The following USP34 variants were observed in gnomAD, a reference collection of about 807,000 sequenced individuals.
USP34 encodes the protein ubiquitin specific peptidase 34.
In USP34, 70 loss-of-function variants were observed where a neutral mutation model predicts 460.3. That is an observed-to-expected ratio of 0.15 (90% CI 0.13 to 0.19). The LOEUF is 0.19. USP34 is among the 10% of genes least tolerant of loss of function. The pLI is 1.00. For missense variants in USP34, 3,985 were observed against 4,236.2 expected, an observed-to-expected ratio of 0.94 and a Z score of 1.65; for synonymous variants, 1,647 against 1,405.3, an observed-to-expected ratio of 1.17 and a Z score of -3.85.
intron 41 of USP34, among the ~76,000 whole-genome samples, chr2:61,269,942 A>G (rs1689164075): frequency 6.6e-6 from 1 of 152,130 alleles, no homozygotes; most frequent in African/African-American, 2.4e-5. Flanking sequence ...CCTTTTAGCT[A>G]TTTTGAAATA....
At chr2:61,401,837 C>T (rs1693730510) in intron 3 of USP34, among the ~76,000 whole-genome samples, 1 of 150,804 alleles carries the variant, frequency 6.6e-6, no homozygotes, top group Admixed American at 6.6e-5. Context: ...GGATTACAGG[C>T]ATGAGCCACC....
At position 61,257,353 on chromosome 2, in the gene USP34, G is replaced by A; in HGVS notation, c.5845-3C>T. ...TTATATGCTTTGCATTCACTCTCCTGCAAATAAAAAGGGGAACATTCTAAG... is the reference window on the plus strand; with the variant it reads ...TTATATGCTTTGCATTCACTCTCCTACAAATAAAAAGGGGAACATTCTAAG... On this transcript the variant is annotated splice_region_variant and splice_polypyrimidine_tract_variant and intron_variant, in intron 44 of 79. Transcript: ENST00000398571. 6.4e-7 allele frequency: 1 copy of A among 1,562,670 alleles called. No homozygotes were observed. The highest frequency in any genetic ancestry group is 8.6e-7 in the Non-Finnish European group (1 of 1,158,128).
intron 65 of USP34, chr2:61,221,831 A>G (rs1357936573): frequency 2.6e-6 from 1 of 390,136 alleles, no homozygotes; most frequent in African/African-American, 2.1e-5. Flanking sequence ...CTGGATGTCA[A>G]GAGTATTTTG....
rs1382188300 is a variant in USP34 at position 61,280,481 on chromosome 2, G to T, written c.5152-133C>A. On this transcript the variant is annotated intron_variant, in intron 38 of 79. Transcript: ENST00000398571. ...CAGTATTCAAAATCTTTTTAAAAAT[G>T]GAGTACACGCTTAGTTTCTGTAAAA... The T allele has an allele frequency of 7.2e-6, 3 of 416,124 alleles. No individual in the cohort carries two copies. In the East Asian group the frequency reaches 1.2e-4, roughly 16 times the overall value. The allele number at this position is 416,124 out of a possible 1,614,324, so 25.8% of individuals were successfully genotyped here.
At chr2:61,389,161 A>C (rs546762212) in intron 5 of USP34, among the ~76,000 whole-genome samples, 1 of 152,110 alleles carries the variant, frequency 6.6e-6, no homozygotes, top group South Asian at 2.1e-4. Flanking sequence ...TTAAAGGATG[A>C]ATTGTGTTTA....
chr2:61,223,005 G>A (rs1480898379), intron 64 of USP34, 55 bp downstream of exon 64: 5 of 1,471,512 alleles, frequency 3.4e-6, no homozygotes, highest in Admixed American at 1.9e-5. Context: ...CCAGATTTCA[G>A]GGTATTCTTT....
At chr2:61,369,136 T>C (rs752526723) in intron 10 of USP34, among the ~76,000 whole-genome samples, 4 of 152,164 alleles carry the variant, frequency 2.6e-5, no homozygotes, top group Non-Finnish European at 5.9e-5. Context: ...ACCCATCAGG[T>C]TGGCAAAGAT....
intron 10 of USP34, among the ~76,000 whole-genome samples, chr2:61,352,902 G>T (rs1454067075): frequency 1.3e-5 from 2 of 152,138 alleles, no homozygotes; most frequent in Non-Finnish European, 2.9e-5. Context: ...CAGGGAAGAT[G>T]GGAGAACAGA....
chr2:61,315,669 C>G (rs1419787743), intron 23 of USP34, among the ~76,000 whole-genome samples: 2 of 152,058 alleles, frequency 1.3e-5, no homozygotes, highest in Non-Finnish European at 1.5e-5. Context: ...GCCACTGCGT[C>G]CAGCCTCATT....
chr2:61,331,330 T>G lies in USP34; in HGVS notation c.2876A>C (p.Asp959Ala). 6.2e-7 allele frequency: 1 copy of G among 1,612,414 alleles called. No individual in the cohort carries two copies. The highest frequency in any genetic ancestry group is 8.5e-7 in the Non-Finnish European group (1 of 1,179,138). Residue 959 changes from aspartate (D) to alanine (A), a missense_variant, in exon 20 of 80, where the codon GAT becomes GCT. Transcript: ENST00000398571. The part of the protein sequence containing the change: ...KELNMMKLFF[D>A]NLVYYIQTVR... ...AGTTTGAATGTAGTATACCAAATTATCAAAGAAAAGCTTCATCATGTTCAG... is the reference window on the plus strand; with the variant it reads ...AGTTTGAATGTAGTATACCAAATTAGCAAAGAAAAGCTTCATCATGTTCAG...
chr2:61,273,134 C>A (rs1689265379), intron 41 of USP34, among the ~76,000 whole-genome samples: 1 of 152,028 alleles, frequency 6.6e-6, no homozygotes. Flanking sequence ...GGACAAAACT[C>A]CTAAGAATAA....
At chr2:61,350,983 G>C (rs1222776794) in intron 10 of USP34, among the ~76,000 whole-genome samples, 2 of 152,206 alleles carry the variant, frequency 1.3e-5, no homozygotes, top group Non-Finnish European at 2.9e-5. Flanking sequence ...AATACTTTGA[G>C]AGGCTGAGTT....
chr2:61,411,852 G>C (rs570198188), intron 2 of USP34, among the ~76,000 whole-genome samples: 1 of 152,106 alleles, frequency 6.6e-6, no homozygotes, highest in African/African-American at 2.4e-5. Flanking sequence ...TAAGATATGC[G>C]AGAAAAATTT....
intron 29 of USP34, among the ~76,000 whole-genome samples, chr2:61,299,846 A>C (rs941944910): frequency 1.3e-5 from 2 of 152,150 alleles, no homozygotes; most frequent in African/African-American, 4.8e-5. Context: ...TGAGCTCCAT[A>C]CTTATATATC....
In USP34 at chr2:61,190,549, A is replaced by G; in HGVS notation, c.9698T>C (p.Val3233Ala). Residue 3233 changes from valine (V) to alanine (A), a missense_variant, in exon 77 of 80, where the codon GTC (valine) becomes GCC (alanine). By Grantham distance (64) the Val-to-Ala change is moderately conservative. This residue lies in a region of USP34 where 506 missense variants were observed against 439.0 expected (regional missense o/e 1.15). Transcript: ENST00000398571. Reference sequence around the variant, plus strand: ...AAGGAAATGTGTCATGAACGTGTAGACAATGTTGTTGTTTAAAAAAGTTCT... The same window carrying G: ...AAGGAAATGTGTCATGAACGTGTAGGCAATGTTGTTGTTTAAAAAAGTTCT... ...DERTFLNNNI[V>A]YTFMTHFLLK... 6.2e-7 allele frequency: 1 copy of G among 1,614,128 alleles called. No individual in the cohort carries two copies. Among genetic ancestry groups the G allele is most frequent in the Non-Finnish European group, 8.5e-7 (1 of 1,179,996 alleles).
chr2:61,296,595 C>T (rs1399970360), intron 30 of USP34, among the ~76,000 whole-genome samples: 1 of 152,140 alleles, frequency 6.6e-6, no homozygotes, highest in Non-Finnish European at 1.5e-5. Flanking sequence ...TTACATTTAG[C>T]CTCTGATACA....
At chr2:61,457,532 C>A (rs1320033463) in intron 1 of USP34, among the ~76,000 whole-genome samples, 1 of 152,180 alleles carries the variant, frequency 6.6e-6, no homozygotes, top group Non-Finnish European at 1.5e-5. Flanking sequence ...AATAATAATT[C>A]TCAACCTTAA....
intron 10 of USP34, among the ~76,000 whole-genome samples, chr2:61,352,378 C>T (rs1691966469): frequency 6.6e-6 from 1 of 151,694 alleles, no homozygotes; most frequent in Admixed American, 6.6e-5. Context: ...TTCCAATTTT[C>T]TGCCAATTTA....
intron 3 of USP34, among the ~76,000 whole-genome samples, chr2:61,402,564 C>G (rs1253251551): frequency 9.9e-5 from 15 of 152,166 alleles, no homozygotes; most frequent in Admixed American, 9.2e-4. Context: ...AGGCCAGTTG[C>G]TTCTTCTATA....
Sources: allele counts gnomAD v4.1 joint callset (sites outside exome capture counted in the v4.1 genomes callset), GRCh38; gene constraint gnomAD v4.1.1; regional missense constraint gnomAD v4.1.1; transcripts MANE v1.5; gene names NCBI Gene and HGNC (gene_info 2026-07-23, HGNC 2026-07-21).